Variants in FHIT observed in about 807,000 individuals in gnomAD.
FHIT encodes the protein fragile histidine triad diadenosine triphosphatase.
In FHIT, 19 loss-of-function variants were observed where a neutral mutation model predicts 17.9. That is an observed-to-expected ratio of 1.06 (90% CI 0.74 to 1.56). The LOEUF is 1.56. FHIT is among the 40% of genes most tolerant of loss of function. The pLI is 0.00. For synonymous variants in FHIT, 81 were observed against 69.7 expected (o/e 1.16, Z -0.81); for missense variants, 248 against 189.2 (o/e 1.31, Z -1.82).
At chr3:60,277,760 CTCTT>C (rs1370992499) in intron 5 of FHIT, among the ~76,000 whole-genome samples, 1 of 152,016 alleles carries the variant, frequency 6.6e-6, no homozygotes, top group African/African-American at 2.4e-5. Context: ...GTTCTCCTTT[CTCTT>C]TCTTTTGCCT....
At chr3:60,557,067 T>C (rs1421433034) in intron 4 of FHIT, among the ~76,000 whole-genome samples, 1 of 152,236 alleles carries the variant, frequency 6.6e-6, no homozygotes, top group Non-Finnish European at 1.5e-5. Context: ...AGAGCTAATA[T>C]TCCTGTAGCC....
At chr3:59,863,078 G>A (rs1302390680) in intron 8 of FHIT, among the ~76,000 whole-genome samples, 1 of 152,212 alleles carries the variant, frequency 6.6e-6, no homozygotes, top group African/African-American at 2.4e-5. Flanking sequence ...CCTATCCGAG[G>A]AATAGTCCTA....
At chr3:60,562,498 G>T (rs2036988039) in intron 4 of FHIT, among the ~76,000 whole-genome samples, 1 of 152,154 alleles carries the variant, frequency 6.6e-6, no homozygotes, top group African/African-American at 2.4e-5. Flanking sequence ...GTTTGTCAGG[G>T]TGGCCAGCTT....
At position 60,176,181 on chromosome 3, in the gene FHIT, G is replaced by A. The variant is rs142452728; in HGVS notation, c.104-162029C>T. 6.1e-4 allele frequency among the ~76,000 whole-genome samples: 93 copies of A among 152,114 alleles called. 1 individual carries two copies. The East Asian group carries it at 0.016, about 26-fold the overall frequency. ...AGCCTGGCCAACATGGCGAAACCCC[G>A]TCTCTACTAAAAATACAAAAATTAG... On this transcript the variant is annotated intron_variant, in intron 5 of 9. Coordinates refer to ENST00000492590, the MANE Select transcript of FHIT (RefSeq NM_002012.4).
chr3:59,756,020 G>A (rs1027885392), intron 8 of FHIT, among the ~76,000 whole-genome samples: 14 of 152,214 alleles, frequency 9.2e-5, no homozygotes, highest in South Asian at 2.1e-4. Flanking sequence ...GAGCAGTGCC[G>A]TGCCTGACAC....
At position 60,341,887 on chromosome 3, in the gene FHIT, T is replaced by C. The variant is rs540454743; in HGVS notation, c.103+194973A>G. Among the ~76,000 whole-genome samples the C allele has an allele frequency of 2.6e-5, 4 of 152,296 alleles. No homozygotes were observed. In the East Asian group the frequency reaches 7.7e-4, roughly 29 times the overall value. ...ATGGGTCTTAGTAATCTTGCAGAAT[T>C]TTGTTCCTTAGTTCAGCCAAAACGA... On this transcript the variant is annotated intron_variant, in intron 5 of 9. Coordinates refer to ENST00000492590, the MANE Select transcript of FHIT (RefSeq NM_002012.4).
intron 5 of FHIT, among the ~76,000 whole-genome samples, chr3:60,049,880 T>A (rs79295206): frequency 6.6e-6 from 1 of 152,154 alleles, no homozygotes; most frequent in African/African-American, 2.4e-5. Context: ...AGCAGGCAAA[T>A]AGATTGTTTC....
At chr3:61,012,475 T>C (rs915760949) in intron 3 of FHIT, among the ~76,000 whole-genome samples, 1 of 152,044 alleles carries the variant, frequency 6.6e-6, no homozygotes, top group Non-Finnish European at 1.5e-5. Flanking sequence ...TTCAATGACA[T>C]AAAAATACCT....
chr3:60,880,354 GT>G (rs1329146834), intron 3 of FHIT, among the ~76,000 whole-genome samples: 2 of 152,204 alleles, frequency 1.3e-5, no homozygotes, highest in Non-Finnish European at 2.9e-5. Context: ...CACTAGAACA[GT>G]TTTACAAGAA....
chr3:59,938,879 C>T (rs1706371294), intron 7 of FHIT, among the ~76,000 whole-genome samples: 1 of 152,078 alleles, frequency 6.6e-6, no homozygotes, highest in African/African-American at 2.4e-5. Flanking sequence ...GGACAATGAG[C>T]CCCAGTTTTA....
At chr3:60,061,734 G>A (rs377257287) in intron 5 of FHIT, among the ~76,000 whole-genome samples, 21 of 152,262 alleles carry the variant, frequency 1.4e-4, no homozygotes, top group Non-Finnish European at 2.8e-4. Flanking sequence ...ACATTTCACT[G>A]TTATTCAGAT....
intron 5 of FHIT, among the ~76,000 whole-genome samples, chr3:60,117,168 T>G (rs1705003471): frequency 6.6e-6 from 1 of 152,150 alleles, no homozygotes; most frequent in Non-Finnish European, 1.5e-5. Flanking sequence ...CTGATAAGAT[T>G]TCCAGTAGTT....
chr3:60,534,232 C>T (rs1450053839), intron 5 of FHIT, among the ~76,000 whole-genome samples: 18 of 147,552 alleles, frequency 1.2e-4, no homozygotes, highest in Non-Finnish European at 2.5e-4. Context: ...TCGAGACCAT[C>T]CTGGCTAACA....
At chr3:60,097,454 C>A (rs970523324) in intron 5 of FHIT, among the ~76,000 whole-genome samples, 8 of 152,084 alleles carry the variant, frequency 5.3e-5, no homozygotes, top group Non-Finnish European at 1.0e-4. Flanking sequence ...CCAGGGAAAA[C>A]AGGTCTACCT....
In FHIT at chr3:61,196,980, A is replaced by G. The variant is rs145260958; in HGVS notation, c.-164+3637T>C. 3.8e-4 allele frequency among the ~76,000 whole-genome samples: 58 copies of G among 152,336 alleles called. No homozygotes were observed. The East Asian group carries it at 8.5e-3, about 22-fold the overall frequency. ...AATGCCTGCGATAGAGGTTAGGCCC[A>G]TGGTGCAGAGCCATTTAGAAGAGAG... On this transcript the variant is annotated intron_variant, in intron 2 of 9. Coordinates refer to ENST00000492590, the MANE Select transcript of FHIT (RefSeq NM_002012.4).
intron 7 of FHIT, among the ~76,000 whole-genome samples, chr3:59,935,536 G>A (rs769222764): frequency 2.6e-4 from 39 of 152,140 alleles, no homozygotes; most frequent in Non-Finnish European, 4.1e-4. Context: ...TGGAACTCTG[G>A]GCTATTTATT....
chr3:60,221,583 T>C (rs1179556760), intron 5 of FHIT, among the ~76,000 whole-genome samples: 3 of 152,214 alleles, frequency 2.0e-5, no homozygotes, highest in Non-Finnish European at 2.9e-5. Context: ...ACAAGGCTCC[T>C]TCATGCGGTG....
At chr3:60,743,873 G>A (rs947360622) in intron 4 of FHIT, among the ~76,000 whole-genome samples, 4 of 152,126 alleles carry the variant, frequency 2.6e-5, no homozygotes, top group East Asian at 1.9e-4. Flanking sequence ...AGCTCAGCTC[G>A]CTCTGTTTGG....
At chr3:60,334,284 C>A (rs1224912668) in intron 5 of FHIT, among the ~76,000 whole-genome samples, 1 of 152,190 alleles carries the variant, frequency 6.6e-6, no homozygotes, top group African/African-American at 2.4e-5. Context: ...GCCTGACCAA[C>A]AGTTACTGAG....
Sources: allele counts gnomAD v4.1 joint callset (sites outside exome capture counted in the v4.1 genomes callset), GRCh38; gene constraint gnomAD v4.1.1; transcripts MANE v1.5; gene names NCBI Gene and HGNC (gene_info 2026-07-23, HGNC 2026-07-21).